ARHGAP44: variants seen among roughly 807,000 people sequenced by gnomAD.
ARHGAP44 encodes the protein rho GTPase-activating protein 44.
In ARHGAP44, 43 loss-of-function variants were observed where a neutral mutation model predicts 106.8. The observed-to-expected ratio is 0.40, with a 90% CI of 0.32 to 0.52. The LOEUF is 0.52. Among genes scored for constraint, ARHGAP44 ranks in the 20% least tolerant of loss-of-function variants. The pLI is 0.48. For missense variants in ARHGAP44, 866 were observed against 1,050.5 expected (o/e 0.82, Z 2.43); for synonymous variants, 439 against 410.3 (o/e 1.07, Z -0.85).
At chr17:12,926,279 C>T (rs1220750143) in intron 6 of ARHGAP44, among the ~76,000 whole-genome samples, 1 of 151,378 alleles carries the variant, frequency 6.6e-6, no homozygotes, top group Non-Finnish European at 1.5e-5. Flanking sequence ...GCAGAAGAAT[C>T]GCTTGAACCC....
rs960316304 is a variant in ARHGAP44 at position 12,916,073 on chromosome 17, A to G, written c.387+62A>G. On this transcript the variant is annotated intron_variant, in intron 5 of 20. Coordinates refer to ENST00000379672, the MANE Select transcript of ARHGAP44 (RefSeq NM_014859.6). ...AGGAGGTACCGAACAGGAGCCCCTC[A>G]ATCATTCTGTTTCCAGCATTCTACT... 3 of 1,322,642 alleles carry G rather than the reference A, an allele frequency of 2.3e-6. No homozygotes were observed. The African/African-American group carries it at 4.4e-5, about 19-fold the overall frequency. 81.9% of individuals were successfully genotyped at this position (1,322,642 alleles called of 1,614,324 possible).
At chr17:12,826,078 T>C (rs945468267) in intron 1 of ARHGAP44, among the ~76,000 whole-genome samples, 1 of 152,176 alleles carries the variant, frequency 6.6e-6, no homozygotes, top group Admixed American at 6.5e-5. Flanking sequence ...TTTTAAAAAA[T>C]AATTTTAAAC....
At chr17:12,808,615 C>T (rs1451113202) in intron 1 of ARHGAP44, among the ~76,000 whole-genome samples, 1 of 152,224 alleles carries the variant, frequency 6.6e-6, no homozygotes, top group African/African-American at 2.4e-5. Context: ...AGTCCTGAGA[C>T]TGCGCAAAGG....
intron 1 of ARHGAP44, among the ~76,000 whole-genome samples, chr17:12,847,253 A>C (rs955750937): frequency 6.6e-6 from 1 of 152,120 alleles, no homozygotes. Flanking sequence ...TGGAGGTTAC[A>C]TTGTTTCAAA....
chr17:12,936,276 G>C (rs1267871568), intron 7 of ARHGAP44, among the ~76,000 whole-genome samples: 1 of 152,172 alleles, frequency 6.6e-6, no homozygotes, highest in African/African-American at 2.4e-5. Context: ...TTTGACAAAT[G>C]TATGTGAATG....
chr17:12,797,105 G>A (rs1406402050), intron 1 of ARHGAP44, among the ~76,000 whole-genome samples: 1 of 151,908 alleles, frequency 6.6e-6, no homozygotes, highest in East Asian at 1.9e-4. Context: ...AATTTTTGTT[G>A]TATGTCTCTT....
intron 20 of ARHGAP44, 69 bp from the exon 21 acceptor site, chr17:12,989,963 T>C: frequency 6.4e-7 from 1 of 1,572,158 alleles, no homozygotes; most frequent in Non-Finnish European, 8.7e-7. Context: ...TGACATTATT[T>C]GCCTACAACT....
Position 12,949,567 on chromosome 17 carries a change from A to G in ARHGAP44, c.974-82A>G. On this transcript the variant is annotated intron_variant, in intron 11 of 20. Coordinates refer to ENST00000379672, the MANE Select transcript of ARHGAP44 (RefSeq NM_014859.6). This position sits in a 1 kb window ranked among gnomAD's most constrained non-coding sequence, Gnocchi z 4.1. ...GTCAGGAGGCCCATCCCCAGATGGAACCCACATAGGCAGTGCTGGCTGGTG... is the reference window on the plus strand; with the variant it reads ...GTCAGGAGGCCCATCCCCAGATGGAGCCCACATAGGCAGTGCTGGCTGGTG... 1 of 1,335,568 alleles carries G rather than the reference A, an allele frequency of 7.5e-7. No homozygotes were observed. The highest frequency in any genetic ancestry group is 1.1e-6 in the Non-Finnish European group (1 of 946,628). 82.7% of individuals were successfully genotyped at this position (1,335,568 alleles called of 1,614,324 possible). A position where few individuals can be genotyped will look rare whatever the true frequency, so the allele number is the denominator to read the frequency against.
At chr17:12,809,943 G>A (rs536045283) in intron 1 of ARHGAP44, among the ~76,000 whole-genome samples, 29 of 152,288 alleles carry the variant, frequency 1.9e-4, no homozygotes, top group Middle Eastern at 3.4e-3. Flanking sequence ...AAACCCAACA[G>A]GCAGGTGGGA....
chr17:12,832,068 G>A (rs1052072154), intron 1 of ARHGAP44, among the ~76,000 whole-genome samples: 6 of 152,194 alleles, frequency 3.9e-5, no homozygotes, highest in Non-Finnish European at 8.8e-5. Context: ...TGCCCAGAAA[G>A]AGCCAATTTA....
At position 12,797,606 on chromosome 17, in the gene ARHGAP44, C is replaced by T. The variant is rs188171905; in HGVS notation, c.53+7715C>T. On this transcript the variant is annotated intron_variant, in intron 1 of 20. Coordinates refer to ENST00000379672, the MANE Select transcript of ARHGAP44 (RefSeq NM_014859.6). ...TGAACTTCTCAGCTCAGCTTCAACCCGGGCCATTCCTGGGTCTTTAGAGCA... is the reference window on the plus strand; with the variant it reads ...TGAACTTCTCAGCTCAGCTTCAACCTGGGCCATTCCTGGGTCTTTAGAGCA... 5.7e-4 allele frequency among the ~76,000 whole-genome samples: 86 copies of T among 152,212 alleles called. 2 individuals carry two copies. In the South Asian group the frequency reaches 8.1e-3, roughly 14 times the overall value.
intron 1 of ARHGAP44, among the ~76,000 whole-genome samples, chr17:12,814,296 A>G (rs944049264): frequency 3.7e-5 from 5 of 136,608 alleles, no homozygotes; most frequent in Non-Finnish European, 7.6e-5. Flanking sequence ...GCTGGAGTGC[A>G]GTGGCGTGAT....
intron 1 of ARHGAP44, among the ~76,000 whole-genome samples, chr17:12,860,281 C>G (rs1199058922): frequency 6.6e-6 from 1 of 152,176 alleles, no homozygotes; most frequent in Admixed American, 6.5e-5. Context: ...TCAATTTATA[C>G]TTTAAAGAAT....
intron 1 of ARHGAP44, among the ~76,000 whole-genome samples, chr17:12,839,799 G>A (rs2035340625): frequency 6.6e-6 from 1 of 152,026 alleles, no homozygotes; most frequent in African/African-American, 2.4e-5. Context: ...ATCTTCATGT[G>A]GATCATATTT....
intron 1 of ARHGAP44, among the ~76,000 whole-genome samples, chr17:12,887,304 A>G (rs1394307275): frequency 6.6e-6 from 1 of 152,122 alleles, no homozygotes; most frequent in African/African-American, 2.4e-5. Flanking sequence ...CATGGCTCAC[A>G]TTGAACCTTG....
intron 7 of ARHGAP44, among the ~76,000 whole-genome samples, chr17:12,930,738 T>A (rs557916995): frequency 6.6e-6 from 1 of 152,342 alleles, no homozygotes; most frequent in South Asian, 2.1e-4. Flanking sequence ...GTGCCAAAAA[T>A]GTATTCATTT....
intron 20 of ARHGAP44, chr17:12,987,253 T>C (rs2039984593): frequency 9.7e-7 from 1 of 1,027,984 alleles, no homozygotes; most frequent in Non-Finnish European, 1.4e-6. Flanking sequence ...CTCAGACCAT[T>C]TGCATGGCAG....
At chr17:12,836,817 T>C (rs184512991) in intron 1 of ARHGAP44, among the ~76,000 whole-genome samples, 47 of 152,250 alleles carry the variant, frequency 3.1e-4, no homozygotes, top group African/African-American at 1.1e-3. Flanking sequence ...GAAAAATCCA[T>C]AGTTATAGGT....
intron 1 of ARHGAP44, among the ~76,000 whole-genome samples, chr17:12,814,843 A>G (rs1413321954): frequency 2.6e-5 from 4 of 151,962 alleles, no homozygotes; most frequent in Non-Finnish European, 5.9e-5. Flanking sequence ...CTTTCTGAAA[A>G]AAACCCCAAA....
Sources: gnomAD v4.1 joint callset for allele counts (sites outside exome capture counted in the v4.1 genomes callset) on GRCh38, gnomAD v4.1.1 for gene constraint, Gnocchi (gnomAD v3.1) non-coding constraint, MANE v1.5 for transcripts, NCBI Gene and HGNC (gene_info 2026-07-23, HGNC 2026-07-21) for gene names.